Variants in CPA6 observed in about 807,000 individuals in gnomAD.
The protein encoded by CPA6 is carboxypeptidase A6.
In CPA6, 58 loss-of-function variants were observed where a neutral mutation model predicts 63.3. That is an observed-to-expected ratio of 0.92 (90% CI 0.74 to 1.14). The LOEUF (loss-of-function observed/expected upper bound fraction) is 1.14. Among genes scored for constraint, CPA6 ranks in the 50% most tolerant of loss-of-function variants. The pLI, the probability that CPA6 is intolerant of heterozygous loss-of-function variation, is 0.00. For missense variants in CPA6, 565 were observed against 526.6 expected (o/e 1.07, Z -0.71); for synonymous variants, 185 against 179.0 (o/e 1.03, Z -0.27).
intron 2 of CPA6, among the ~76,000 whole-genome samples, chr8:67,544,340 G>T (rs749888883): frequency 6.6e-6 from 1 of 152,190 alleles, no homozygotes; most frequent in African/African-American, 2.4e-5. Context: ...GAACGCTTCC[G>T]TGGATGCTAA....
Position 67,629,662 on chromosome 8 carries a change from T to G in CPA6, c.117-5411A>C, listed in dbSNP as rs559792548. On this transcript the variant is annotated intron_variant, in intron 1 of 10. Coordinates refer to ENST00000297770, the MANE Select transcript of CPA6 (RefSeq NM_020361.5). ...TGGGTTAAATCAAGGAATAGATGTT[T>G]GCAAAGCTAAAATATGAACCTCTGT... Among the ~76,000 whole-genome samples, 23 of 152,284 alleles carry G rather than the reference T, an allele frequency of 1.5e-4. No homozygotes were observed. In the South Asian group the frequency reaches 4.8e-3, roughly 32 times the overall value.
chr8:67,703,665 C>T (rs1469276047), intron 1 of CPA6, among the ~76,000 whole-genome samples: 1 of 152,234 alleles, frequency 6.6e-6, no homozygotes, highest in East Asian at 1.9e-4. Context: ...ACATGGACTC[C>T]TTGGAGATAT....
At chr8:67,517,070 C>A (rs113278090) in intron 3 of CPA6, among the ~76,000 whole-genome samples, 23,027 of 151,874 alleles carry the variant, frequency 0.15, 4,908 homozygotes, top group African/African-American at 0.48. Context: ...GTCTGGGATT[C>A]CAGGCGTGAG....
intron 1 of CPA6, among the ~76,000 whole-genome samples, chr8:67,642,816 C>CACACACACACACAA (rs1815625184): frequency 6.6e-6 from 1 of 151,906 alleles, no homozygotes; most frequent in African/African-American, 2.4e-5. Context: ...CACACACACA[C>CACACACACACACAA]ACACACACTC....
chr8:67,685,536 G>A (rs754880744), intron 1 of CPA6, among the ~76,000 whole-genome samples: 1 of 152,150 alleles, frequency 6.6e-6, no homozygotes, highest in South Asian at 2.1e-4. Flanking sequence ...GGAGAATGGC[G>A]TGAGCCCGGG....
At chr8:67,705,610 G>A (rs1817117735) in intron 1 of CPA6, among the ~76,000 whole-genome samples, 1 of 152,106 alleles carries the variant, frequency 6.6e-6, no homozygotes, top group Non-Finnish European at 1.5e-5. Flanking sequence ...TCCAAGATGG[G>A]TGTCTGCTTA....
At chr8:67,484,857 T>C (rs115181703) in intron 6 of CPA6, 68 bp from the exon 7 acceptor site, 1 of 813,772 alleles carries the variant, frequency 1.2e-6, no homozygotes, top group Non-Finnish European at 2.0e-6. Flanking sequence ...GTGTGAGATA[T>C]CCTTTCTATC....
At position 67,522,559 on chromosome 8, in the gene CPA6, G is replaced by A. The variant is rs562307414; in HGVS notation, c.193-4512C>T. On this transcript the variant is annotated intron_variant, in intron 2 of 10. Coordinates refer to ENST00000297770, the MANE Select transcript of CPA6 (RefSeq NM_020361.5). ...GACATGCTGCCATTCTCTGAGCTGC[G>A]AGGCGGTGGGAATGAGTGAGCTGTG... Among the ~76,000 whole-genome samples the A allele has an allele frequency of 1.8e-4, 28 of 152,328 alleles. 1 individual carries two copies. The East Asian group carries it at 4.0e-3, about 22-fold the overall frequency.
intron 1 of CPA6, among the ~76,000 whole-genome samples, chr8:67,629,983 T>C (rs1815285361): frequency 6.6e-6 from 1 of 151,770 alleles, no homozygotes; most frequent in South Asian, 2.1e-4. Context: ...CAGACATCTA[T>C]AGCACCAGCT....
rs191889546 is a variant in CPA6, at chr8:67,530,605, C to A, written c.193-12558G>T. Among the ~76,000 whole-genome samples, 97 of 152,262 alleles carry A rather than the reference C, an allele frequency of 6.4e-4. 2 individuals are homozygous for A. The highest frequency in any genetic ancestry group is 8.7e-4 in the Non-Finnish European group (59 of 68,020). On this transcript the variant is annotated intron_variant, in intron 2 of 10. Transcript: ENST00000297770. ...AAATACAAGGAAACCCCCCAGGAGTCTGAAATGAAGAAAACGCCAACTAGA... is the reference window on the plus strand; with the variant it reads ...AAATACAAGGAAACCCCCCAGGAGTATGAAATGAAGAAAACGCCAACTAGA...
intron 1 of CPA6, among the ~76,000 whole-genome samples, chr8:67,656,653 A>T (rs1477235531): frequency 1.3e-5 from 2 of 152,218 alleles, no homozygotes; most frequent in Admixed American, 6.5e-5. Flanking sequence ...GGTTATCTAT[A>T]AAAGGGTGTA....
chr8:67,569,450 C>T (rs560387293), intron 2 of CPA6: 17 of 242,502 alleles, frequency 7.0e-5, no homozygotes, highest in African/African-American at 1.8e-4. Flanking sequence ...GTCTCTGCTA[C>T]GGAGCATAAG....
chr8:67,694,595 C>T (rs879714536), intron 1 of CPA6, among the ~76,000 whole-genome samples: 1 of 152,182 alleles, frequency 6.6e-6, no homozygotes, highest in African/African-American at 2.4e-5. Flanking sequence ...GGCTTAAATG[C>T]CCATGGTCTC....
At chr8:67,654,439 C>T (rs1300001061) in intron 1 of CPA6, among the ~76,000 whole-genome samples, 1 of 152,162 alleles carries the variant, frequency 6.6e-6, no homozygotes, top group Non-Finnish European at 1.5e-5. Flanking sequence ...TTGGTCTATT[C>T]AGAGATTCAA....
rs1012444716 is a variant in CPA6 at position 67,636,055 on chromosome 8, A to G, written c.117-11804T>C. ...ACTGAGTCTCGATTAGCCACTCAGA[A>G]CTTGGATATCCCTTAGCAACTTTTG... On this transcript the variant is annotated intron_variant, in intron 1 of 10. Coordinates refer to ENST00000297770, the MANE Select transcript of CPA6 (RefSeq NM_020361.5). Among the ~76,000 whole-genome samples, 14 of 151,642 alleles carry G rather than the reference A, an allele frequency of 9.2e-5. 1 individual carries two copies. Among genetic ancestry groups the G allele is most frequent in the African/African-American group, 3.2e-4 (13 of 40,940 alleles).
chr8:67,663,880 C>A (rs1816172477), intron 1 of CPA6, among the ~76,000 whole-genome samples: 1 of 152,038 alleles, frequency 6.6e-6, no homozygotes, highest in African/African-American at 2.4e-5. Flanking sequence ...TGCTACTAAA[C>A]AATGAATTCC....
chr8:67,475,886 C>CTCT (rs1563968069), intron 8 of CPA6, among the ~76,000 whole-genome samples: 45 of 33,990 alleles, frequency 1.3e-3, no homozygotes, highest in Middle Eastern at 0.014. Flanking sequence ...TTTCTCCTTT[C>CTCT]TTTCTTTCTT....
intron 1 of CPA6, among the ~76,000 whole-genome samples, chr8:67,718,239 G>T (rs1400337117): frequency 1.3e-5 from 2 of 151,874 alleles, no homozygotes; most frequent in Admixed American, 6.6e-5. Context: ...AAGAAAACAA[G>T]GTAACTATCC....
At chr8:67,666,483 A>T (rs1235772234) in intron 1 of CPA6, among the ~76,000 whole-genome samples, 1 of 152,172 alleles carries the variant, frequency 6.6e-6, no homozygotes, top group Non-Finnish European at 1.5e-5. Flanking sequence ...GCTGGGCAGG[A>T]GGGAGACATG....
Sources: gnomAD v4.1 joint callset for allele counts (sites outside exome capture counted in the v4.1 genomes callset) on GRCh38, gnomAD v4.1.1 for gene constraint, MANE v1.5 for transcripts, NCBI Gene and HGNC (gene_info 2026-07-23, HGNC 2026-07-21) for gene names.